Variants in SPATA31H1 observed in about 807,000 individuals in gnomAD.
SPATA31H1 encodes spermatogenesis-associated protein 31H1.
chr2:27,550,123 ATTTC>A, the SPATA31H1 span, among the ~76,000 whole-genome samples: 8 of 151,546 alleles, frequency 5.3e-5, no homozygotes, highest in South Asian at 2.1e-4. Flanking sequence ...TGATAATTTT[ATTTC>A]TTTCTTTCTG....
At chr2:27,543,932 T>C in the SPATA31H1 span, among the ~76,000 whole-genome samples, 1 of 151,986 alleles carries the variant, frequency 6.6e-6, no homozygotes, top group African/African-American at 2.4e-5. Context: ...TCTAGACTTA[T>C]TGACGGTTGT....
At chr2:27,567,044 G>C in the SPATA31H1 span, 3 of 717,240 alleles carry the variant, frequency 4.2e-6, no homozygotes, top group African/African-American at 5.2e-5. Context: ...CAGAGCCCCA[G>C]AAATCAAAAA....
the SPATA31H1 span, chr2:27,577,236 G>A: frequency 6.2e-7 from 1 of 1,613,916 alleles, no homozygotes; most frequent in Non-Finnish European, 8.5e-7. The surrounding 1 kb of genome is among the most constrained non-coding windows in gnomAD (Gnocchi z 4.5). Context: ...AAAATTCTTA[G>A]GATTAACTCC....
chr2:27,578,038 C>CCTTGGACCACATTTGCAAGAG, the SPATA31H1 span: 2 of 1,614,106 alleles, frequency 1.2e-6, no homozygotes, highest in Non-Finnish European at 1.7e-6. Flanking sequence ...ACAGAATCTG[C>CCTTGGACCACATTTGCAAGAG]AAGGACACAG....
the SPATA31H1 span, chr2:27,578,593 C>A: frequency 3.1e-6 from 5 of 1,613,902 alleles, no homozygotes; most frequent in South Asian, 5.5e-5. Context: ...GAGGAACATA[C>A]AATATTGACT....
the SPATA31H1 span, among the ~76,000 whole-genome samples, chr2:27,561,062 A>G: frequency 6.6e-6 from 1 of 152,072 alleles, no homozygotes; most frequent in African/African-American, 2.4e-5. Flanking sequence ...ATTTCTGAGG[A>G]GCCTGGCACA....
the SPATA31H1 span, chr2:27,575,890 C>T: frequency 1.0e-5 from 4 of 398,554 alleles, no homozygotes; most frequent in Non-Finnish European, 1.8e-5. This position sits in a 1 kb window ranked among gnomAD's most constrained non-coding sequence, Gnocchi z 4.1. Flanking sequence ...CCTGAATTAA[C>T]TCCAGTTTCA....
the SPATA31H1 span, among the ~76,000 whole-genome samples, chr2:27,539,152 G>A: frequency 3.3e-5 from 4 of 122,558 alleles, no homozygotes; most frequent in Non-Finnish European, 6.5e-5. Context: ...GGTGTTTCTC[G>A]CAGAGGGGGA....
the SPATA31H1 span, among the ~76,000 whole-genome samples, chr2:27,554,511 C>G: frequency 6.6e-6 from 1 of 151,988 alleles, no homozygotes; most frequent in African/African-American, 2.4e-5. Context: ...TGCAGACTGG[C>G]AACTTCTTAC....
the SPATA31H1 span, chr2:27,565,478 A>C: frequency 1.4e-6 from 1 of 698,696 alleles, no homozygotes; most frequent in Non-Finnish European, 2.6e-6. Flanking sequence ...AGGTGGAGGG[A>C]GGTTGAAAAA....
chr2:27,543,080 A>C, the SPATA31H1 span, among the ~76,000 whole-genome samples: 1 of 151,998 alleles, frequency 6.6e-6, no homozygotes, highest in East Asian at 1.9e-4. Flanking sequence ...CGTGGATGAC[A>C]GAGCAAGATG....
At chr2:27,568,331 C>T in the SPATA31H1 span, 6 of 398,800 alleles carry the variant, frequency 1.5e-5, no homozygotes, top group African/African-American at 1.0e-4. Context: ...AGCATAAAGT[C>T]ATGGAATCTG....
At chr2:27,580,733 C>T in the SPATA31H1 span, 1 of 1,614,160 alleles carries the variant, frequency 6.2e-7, no homozygotes, top group Non-Finnish European at 8.5e-7. Context: ...TGTGGGCAAG[C>T]AAAAACTATT....
At chr2:27,578,962 A>C in the SPATA31H1 span, 5 of 1,614,062 alleles carry the variant, frequency 3.1e-6, no homozygotes, top group Non-Finnish European at 4.2e-6. Context: ...TTGGCCCTTC[A>C]TAATCAAAGC....
chr2:27,581,446 T>G, the SPATA31H1 span: 7 of 1,609,420 alleles, frequency 4.3e-6, no homozygotes, highest in Non-Finnish European at 5.9e-6. Flanking sequence ...TGTCACAGTC[T>G]CTCTGAAAGG....
At chr2:27,564,391 T>C in the SPATA31H1 span, among the ~76,000 whole-genome samples, 1 of 152,216 alleles carries the variant, frequency 6.6e-6, no homozygotes, top group Non-Finnish European at 1.5e-5. Context: ...AAATCCCTTC[T>C]GACTGACACT....
the SPATA31H1 span, chr2:27,579,889 T>C: frequency 8.2e-5 from 132 of 1,614,214 alleles, no homozygotes; most frequent in Non-Finnish European, 1.0e-4. Flanking sequence ...CCCCCCGATG[T>C]GCCTCCACCT....
the SPATA31H1 span, among the ~76,000 whole-genome samples, chr2:27,560,089 A>G: frequency 6.6e-6 from 1 of 151,150 alleles, no homozygotes; most frequent in Non-Finnish European, 1.5e-5. Context: ...GATGGTCTCA[A>G]TCTCTTGACC....
At chr2:27,577,878 C>A in the SPATA31H1 span, 1 of 1,613,996 alleles carries the variant, frequency 6.2e-7, no homozygotes, top group Non-Finnish European at 8.5e-7. The surrounding 1 kb of genome is among the most constrained non-coding windows in gnomAD (Gnocchi z 4.5). Flanking sequence ...ATCTGTAGAG[C>A]TCACCTCTGA....
Sources: allele counts gnomAD v4.1 joint callset (sites outside exome capture counted in the v4.1 genomes callset), GRCh38; gene constraint gnomAD v4.1.1; non-coding constraint Gnocchi (gnomAD v3.1); transcripts MANE v1.5; gene names NCBI Gene and HGNC (gene_info 2026-07-23, HGNC 2026-07-21).